Variants in CDC42BPG observed in about 807,000 individuals in gnomAD.
CDC42BPG encodes CDC42 binding protein kinase gamma, also known as serine/threonine-protein kinase MRCK gamma.
CDC42BPG carries 157 observed loss-of-function variants against 192.2 expected under a neutral mutation model. The ratio of observed to expected loss-of-function variants is 0.82; its 90% CI spans 0.72 to 0.93. The LOEUF is 0.93. CDC42BPG is among the 40% of genes least tolerant of loss of function. The pLI is 0.00. For synonymous variants in CDC42BPG, 981 were observed against 918.5 expected (o/e 1.07, Z -1.23); for missense variants, 1,992 against 2,122.1 (o/e 0.94, Z 1.20).
Position 64,830,197 on chromosome 11 carries a change from T to C in CDC42BPG, c.3364A>G (p.Asn1122Asp). ...CTAGCCCAGCTTTGATAGGTACCGT[T>C]GCTGCGCAGATGGATGACAAAGAGC... ...EGLFVIHLRS[N>D]DIFQVGECRR... Residue 1122 changes from asparagine to aspartate, a missense_variant, in exon 29 of 37, where the codon AAC becomes GAC. By Grantham distance (23) the Asn-to-Asp change is conservative (BLOSUM62 1). Transcript: ENST00000342711. The C allele has an allele frequency of 6.2e-7, 1 of 1,613,702 alleles. No individual in the cohort carries two copies. The highest frequency in any genetic ancestry group is 8.5e-7 in the Non-Finnish European group (1 of 1,179,838).
rs201199244 is a variant in CDC42BPG at position 64,831,506 on chromosome 11, G to C, written c.3303C>G (p.Leu1101=). 1.2e-6 allele frequency: 2 copies of C among 1,604,896 alleles called. No homozygotes were observed. The highest frequency in any genetic ancestry group is 2.2e-5 in the South Asian group (2 of 90,718). Residue 1101 remains leucine, a splice_region_variant and synonymous_variant, in exon 28 of 37, where the codon CTC becomes CTG. Transcript: ENST00000342711. ...CTCCAGTCCCCTCCACCAGCTCACCGAGGATGGCAGCGCAGAGCGTGTGAG... is the reference window on the plus strand; with the variant it reads ...CTCCAGTCCCCTCCACCAGCTCACCCAGGATGGCAGCGCAGAGCGTGTGAG... ...LLPHTLCAAI[L]DQDRLALGTE... is the part of the protein sequence containing the mutation.
intron 17 of CDC42BPG, 30 bp downstream of exon 17, chr11:64,835,017 T>TACCC: frequency 2.5e-6 from 4 of 1,571,892 alleles, no homozygotes; most frequent in East Asian, 2.3e-5. Context: ...TCGCCTGCGT[T>TACCC]CCCCACCCCG....
At chr11:64,831,272 C>A (rs1162190893) in intron 28 of CDC42BPG, among the ~76,000 whole-genome samples, 1 of 151,640 alleles carries the variant, frequency 6.6e-6, no homozygotes, top group South Asian at 2.1e-4. Context: ...GCTTGAGATT[C>A]TTTTGGAAAA....
Position 64,824,445 on chromosome 11 carries a change from G to C in CDC42BPG, c.*28C>G. 4.1e-6 allele frequency: 6 copies of C among 1,458,640 alleles called. No individual in the cohort carries two copies. The highest frequency in any genetic ancestry group is 5.8e-6 in the Non-Finnish European group (6 of 1,036,688). 90.4% of individuals were successfully genotyped at this position (1,458,640 alleles called of 1,614,324 possible). On this transcript the variant is annotated 3_prime_UTR_variant, in exon 37 of 37. Transcript: ENST00000342711. ...TGCTCCCTCATGTCCTTCTGCCCTG[G>C]GATTGGGGTGGGCCCTAACAGAGGG...
Position 64,833,684 on chromosome 11 carries a change from G to A in CDC42BPG, c.2566-25C>T, listed in dbSNP as rs763509028. The A allele has an allele frequency of 9.3e-6, 15 of 1,613,046 alleles. No individual in the cohort carries two copies. The South Asian group carries it at 1.3e-4, about 14-fold the overall frequency. ...CCTGCAGGAGGGCGGGGGAGCAGGT[G>A]AGACGGGCAAGGGCGGGGCCCAGGC... On this transcript the variant is annotated intron_variant, in intron 22 of 36. Transcript: ENST00000342711.
At chr11:64,825,620 G>T (rs188896839) in intron 36 of CDC42BPG, among the ~76,000 whole-genome samples, 1 of 152,158 alleles carries the variant, frequency 6.6e-6, no homozygotes, top group Non-Finnish European at 1.5e-5. Context: ...CTGGTGTGAC[G>T]GGAGTGGGTG....
At chr11:64,826,930 TGTGA>T in intron 34 of CDC42BPG, 116 bp downstream of exon 34, 1 of 1,173,996 alleles carries the variant, frequency 8.5e-7, no homozygotes, top group Non-Finnish European at 1.2e-6. Flanking sequence ...GTAGCAGAAG[TGTGA>T]GTCCCAGGCC....
chr11:64,837,122 A>G lies in CDC42BPG; in HGVS notation c.1206-103T>C. The G allele has an allele frequency of 2.9e-6, 3 of 1,019,912 alleles. No individual in the cohort carries two copies. The South Asian group carries it at 4.0e-5, about 14-fold the overall frequency. 63.2% of individuals were successfully genotyped at this position (1,019,912 alleles called of 1,614,324 possible). A position where few individuals can be genotyped will look rare whatever the true frequency, so the allele number is the denominator to read the frequency against. On this transcript the variant is annotated intron_variant, in intron 9 of 36. Transcript: ENST00000342711. ...ACTCATTAATTGTGAAACAGCCAAA[A>G]CAGACCCTGCCCTCGGGAGACCCCA... is the stretch of plus-strand genomic sequence containing the variant.
rs1456115636 is a variant in CDC42BPG, at chr11:64,829,558, A to G, written c.3880T>C (p.Phe1294Leu). 3 of 1,612,886 alleles carry G rather than the reference A, an allele frequency of 1.9e-6. No individual in the cohort carries two copies. Among genetic ancestry groups the G allele is most frequent in the South Asian group, 1.1e-5 (1 of 91,026 alleles). The change falls in exon 30 of 37, where the codon TTC becomes CTC. Residue 1294 changes from phenylalanine to leucine, a missense_variant. Physicochemically the swap from Phe to Leu is conservative, Grantham distance 22. Coordinates refer to ENST00000342711, the MANE Select transcript of CDC42BPG (RefSeq NM_017525.3). ...ELSLSEFLLL[F>L]TTAGIYVDGA... Reference sequence around the variant, plus strand: ...TCCACGTAGATGCCAGCAGTGGTGAAGAGTAGCAGGAACTCGCTGAGGCTA... The same window carrying G: ...TCCACGTAGATGCCAGCAGTGGTGAGGAGTAGCAGGAACTCGCTGAGGCTA...
chr11:64,833,120 G>C, intron 24 of CDC42BPG, 111 bp downstream of exon 24: 1 of 1,281,320 alleles, frequency 7.8e-7, no homozygotes, highest in Middle Eastern at 1.9e-4. Context: ...CTGAGCAGGA[G>C]GAAATTTGAC....
At chr11:64,835,310 C>T (rs11605623) in intron 16 of CDC42BPG, 37 bp downstream of exon 16, 957,599 of 1,612,868 alleles carry the variant, frequency 0.59, 298,804 homozygotes, top group Non-Finnish European at 0.65. Flanking sequence ...TTGCCTTGTC[C>T]GTCTGTTGTA....
chr11:64,835,228 A>C, intron 16 of CDC42BPG, 75 bp from the exon 17 acceptor site: 1 of 1,602,222 alleles, frequency 6.2e-7, no homozygotes. Flanking sequence ...TAGGTACCCC[A>C]GCACCCCGAG....
At chr11:64,831,350 T>C (rs1409251747) in intron 28 of CDC42BPG, among the ~76,000 whole-genome samples, 155 bp downstream of exon 28, 1 of 152,060 alleles carries the variant, frequency 6.6e-6, no homozygotes, top group Non-Finnish European at 1.5e-5. Flanking sequence ...GGCCCAGCCA[T>C]GCACACAGGA....
At chr11:64,838,275 G>C (rs902108095) in intron 8 of CDC42BPG, 113 bp from the exon 9 acceptor site, 3 of 769,988 alleles carry the variant, frequency 3.9e-6, no homozygotes, top group African/African-American at 1.8e-5. Flanking sequence ...TGGGAACTCA[G>C]GGGGGTAACA....
intron 34 of CDC42BPG, 94 bp downstream of exon 34, chr11:64,826,956 T>C (rs1398416389): frequency 8.6e-7 from 1 of 1,168,416 alleles, no homozygotes; most frequent in African/African-American, 1.5e-5. Context: ...TAGGAGTAAT[T>C]ACAGCGGCCC....
chr11:64,834,440 C>T lies in CDC42BPG; in HGVS notation c.2313G>A (p.Leu771=). The change falls in exon 19 of 37, where the codon CTG becomes CTA. Residue 771 remains leucine, a synonymous_variant. Transcript: ENST00000342711. The part of the protein sequence containing the change: ...ERLTQVQEAQ[L]QAERRLQEAE... ...GCCCCTAGCCTCACCGCTCAGCCTG[C>T]AGCTGGGCCTCCTGCACCTGTGTCA... The T allele has an allele frequency of 4.5e-6, 7 of 1,567,348 alleles. No individual in the cohort carries two copies. The highest frequency in any genetic ancestry group is 6.0e-6 in the Non-Finnish European group (7 of 1,157,422).
Position 64,839,187 on chromosome 11 carries a change from T to C in CDC42BPG, c.722A>G (p.Glu241Gly), listed in dbSNP as rs1473850080. The stretch of plus-strand genomic sequence containing the variant: ...GCCCTCCTCCATGGCCTGCAGGATC[T>C]CAGGGGAGATATAGTCCGGCGTCCC... ...AVGTPDYISP[E>G]ILQAMEEGKG... Residue 241 changes from glutamate (E) to glycine (G), a missense_variant, in exon 7 of 37, where the codon GAG (glutamate) becomes GGG (glycine). Around this residue, in one of 2 missense-constraint regions of CDC42BPG, gnomAD observed 1,656 missense variants for 1,844.3 expected, o/e 0.90. Coordinates refer to ENST00000342711, the MANE Select transcript of CDC42BPG (RefSeq NM_017525.3). 6.2e-7 allele frequency: 1 copy of C among 1,613,168 alleles called. No individual in the cohort carries two copies. The highest frequency in any genetic ancestry group is 8.5e-7 in the Non-Finnish European group (1 of 1,180,032).
In CDC42BPG at chr11:64,839,466, C is replaced by G; in HGVS notation, c.675+12G>C. 6.2e-7 allele frequency: 1 copy of G among 1,612,018 alleles called. No homozygotes were observed. The highest frequency in any genetic ancestry group is 8.5e-7 in the Non-Finnish European group (1 of 1,179,270). On this transcript the variant is annotated intron_variant, in intron 6 of 36. Transcript: ENST00000342711. ...TGTATCCCCTGCTCCCACTCTGGGG[C>G]GGGGTCCTTACCATGCCGTTGGTGT...
chr11:64,827,839 C>A, intron 30 of CDC42BPG, 56 bp from the exon 31 acceptor site: 3 of 1,412,496 alleles, frequency 2.1e-6, no homozygotes, highest in Non-Finnish European at 1.9e-6. Flanking sequence ...ACAGGGAACA[C>A]CTTGTCCCCT....
Sources: allele counts gnomAD v4.1 joint callset (sites outside exome capture counted in the v4.1 genomes callset), GRCh38; gene constraint gnomAD v4.1.1; regional missense constraint gnomAD v4.1.1; transcripts MANE v1.5; gene names NCBI Gene and HGNC (gene_info 2026-07-23, HGNC 2026-07-21).